The following AMZ2 variants were observed in gnomAD, a reference collection of about 807,000 sequenced individuals.
The protein encoded by AMZ2 is archaelysin family metallopeptidase 2, also known as archaemetzincin-2.
AMZ2 carries 26 observed loss-of-function variants against 36.7 expected under a neutral mutation model. The ratio of observed to expected loss-of-function variants is 0.71; its 90% CI spans 0.52 to 0.98. The LOEUF is 0.98. AMZ2 is among the 50% of genes least tolerant of loss of function. AMZ2 has a pLI of 0.00. For synonymous variants in AMZ2, 144 were observed against 149.1 expected, an observed-to-expected ratio of 0.97 and a Z score of 0.25; for missense variants, 394 against 430.5, an observed-to-expected ratio of 0.92 and a Z score of 0.75.
At chr17:68,223,897 TA>T (rs199603972) in intron 1 of AMZ2, among the ~76,000 whole-genome samples, 5 of 99,382 alleles carry the variant, frequency 5.0e-5, no homozygotes, top group Non-Finnish European at 1.0e-4. Flanking sequence ...TATATATATA[TA>T]TTTTTTTTTG....
At position 68,255,852 on chromosome 17, in the gene AMZ2, C is replaced by T. The variant is rs2074864947; in HGVS notation, c.903C>T (p.Gly301=). ...ICLHKLQCAV[G]FSIVERYKAL... ...TGCACAAGTTGCAGTGTGCTGTTGG[C>T]TTCAGCATTGTAGAAAGATACAAAG... is the stretch of plus-strand genomic sequence containing the variant. The change falls in exon 6 of 7, where the codon GGC becomes GGT. Residue 301 remains glycine (G), a synonymous_variant. Transcript: ENST00000359904. 5 of 1,613,990 alleles carry T rather than the reference C, an allele frequency of 3.1e-6. No individual in the cohort carries two copies. The East Asian group carries it at 8.9e-5, about 29-fold the overall frequency.
chr17:68,210,245 A>G (rs1401560355), intron 1 of AMZ2, among the ~76,000 whole-genome samples: 4 of 152,266 alleles, frequency 2.6e-5, no homozygotes, highest in African/African-American at 9.6e-5. Context: ...ACATATGTAT[A>G]CAGCAGCATT....
Position 68,248,424 on chromosome 17 carries a change from G to A in AMZ2, c.-282G>A, listed in dbSNP as rs2074176615. 1.0e-6 allele frequency: 1 copy of A among 986,138 alleles called. No homozygotes were observed. The highest frequency in any genetic ancestry group is 1.7e-5 in the African/African-American group (1 of 57,246). The allele number at this position is 986,138 out of a possible 1,614,324, so 61.1% of individuals were successfully genotyped here. Reference sequence around the variant, plus strand: ...GAGTTGCTATAGGCAACCAGCCAGGGTGGCCAGCTCCTTCCCGTTTGCCCG... The same window carrying A: ...GAGTTGCTATAGGCAACCAGCCAGGATGGCCAGCTCCTTCCCGTTTGCCCG... On this transcript the variant is annotated 5_prime_UTR_variant, in exon 1 of 7. It adds an upstream start codon to the 5' untranslated region. Coordinates refer to ENST00000359904, the MANE Select transcript of AMZ2 (RefSeq NM_016627.5).
rs782818092 is a variant in AMZ2, at chr17:68,251,100, G to A, written c.508G>A (p.Val170Ile). 2.3e-5 allele frequency: 37 copies of A among 1,613,702 alleles called. No homozygotes were observed. Among genetic ancestry groups the A allele is most frequent in the Non-Finnish European group, 2.9e-5 (34 of 1,179,950 alleles). Residue 170 changes from valine (V) to isoleucine (I), a missense_variant, in exon 4 of 7, where the codon GTT becomes ATT. Physicochemically the swap from Val to Ile is conservative, Grantham distance 29. Transcript: ENST00000359904. ...KKKKPEDAFC[V>I]VGITMIDLYP... ...GAAGAAACCTGAAGATGCCTTCTGT[G>A]TTGTGGGAATAACAATGATTGATCT...
intron 1 of AMZ2, among the ~76,000 whole-genome samples, chr17:68,208,212 G>C (rs1243432950): frequency 7.9e-5 from 12 of 152,218 alleles, no homozygotes; most frequent in Admixed American, 7.9e-4. Context: ...CAGGGCGCGG[G>C]ACTGGCAGGC....
At chr17:68,244,728 G>T (rs1158840907), upstream of AMZ2, among the ~76,000 whole-genome samples, 2 of 152,194 alleles carry the variant, frequency 1.3e-5, no homozygotes, top group Admixed American at 1.3e-4. Flanking sequence ...AGAATGCAGG[G>T]ATTCTTTATA....
At chr17:68,223,941 G>A (rs2073438525) in intron 1 of AMZ2, among the ~76,000 whole-genome samples, 1 of 151,418 alleles carries the variant, frequency 6.6e-6, no homozygotes, top group Non-Finnish European at 1.5e-5. Flanking sequence ...CCAGGCTGGA[G>A]TGCAGTGGCA....
chr17:68,215,565 A>G (rs1389502911), intron 1 of AMZ2, among the ~76,000 whole-genome samples: 2 of 136,566 alleles, frequency 1.5e-5, no homozygotes, highest in Non-Finnish European at 3.3e-5. Flanking sequence ...CTCCAAAAAA[A>G]AAAGTTTACT....
At chr17:68,229,466 A>G (rs1202181016) in intron 1 of AMZ2, among the ~76,000 whole-genome samples, 2 of 152,230 alleles carry the variant, frequency 1.3e-5, no homozygotes, top group African/African-American at 4.8e-5. Flanking sequence ...TCTGGCTGGA[A>G]GGCACAGATG....
upstream of AMZ2, chr17:68,247,832 A>G: frequency 2.0e-6 from 2 of 985,516 alleles, no homozygotes; most frequent in Non-Finnish European, 1.2e-6. Context: ...GGGGGTGGAC[A>G]GCTGGGGCTT....
At chr17:68,255,389 T>G (rs1251222861) in intron 5 of AMZ2, among the ~76,000 whole-genome samples, 1 of 152,216 alleles carries the variant, frequency 6.6e-6, no homozygotes, top group African/African-American at 2.4e-5. Flanking sequence ...GGAGTTCTGT[T>G]GGCCTCTAGT....
At chr17:68,228,627 G>C (rs1219687569) in intron 1 of AMZ2, among the ~76,000 whole-genome samples, 3 of 152,244 alleles carry the variant, frequency 2.0e-5, no homozygotes, top group Non-Finnish European at 4.4e-5. Context: ...CCCCTGTGGA[G>C]ATAGCTTCAG....
chr17:68,253,470 T>C (rs1202051567), intron 4 of AMZ2, among the ~76,000 whole-genome samples: 1 of 152,204 alleles, frequency 6.6e-6, no homozygotes, highest in Non-Finnish European at 1.5e-5. Flanking sequence ...TTGATATAAC[T>C]CTAAATGTAA....
At chr17:68,247,881 T>C, upstream of AMZ2, 1 of 985,188 alleles carries the variant, frequency 1.0e-6, no homozygotes, top group Non-Finnish European at 1.2e-6. Flanking sequence ...AAGAGGCGGG[T>C]CGCGGCCGCT....
At chr17:68,247,573 C>A (rs1451151652), upstream of AMZ2, 2 of 956,388 alleles carry the variant, frequency 2.1e-6, no homozygotes, top group Non-Finnish European at 2.5e-6. Context: ...CGGCCCCCAA[C>A]AAATAAAGAA....
intron 1 of AMZ2, among the ~76,000 whole-genome samples, chr17:68,230,083 G>GT (rs1555730854): frequency 6.6e-6 from 1 of 151,916 alleles, no homozygotes; most frequent in Non-Finnish European, 1.5e-5. Flanking sequence ...GTTTTGTTTT[G>GT]TTTTTTGGGA....
intron 1 of AMZ2, among the ~76,000 whole-genome samples, chr17:68,219,317 A>G (rs1192610295): frequency 6.6e-6 from 1 of 152,120 alleles, no homozygotes; most frequent in African/African-American, 2.4e-5. Flanking sequence ...CACTCTAGCT[A>G]AACTAGATGG....
intron 1 of AMZ2, chr17:68,206,778 G>C (rs2072847652): frequency 6.6e-6 from 1 of 152,248 alleles, no homozygotes; most frequent in Non-Finnish European, 1.5e-5. Context: ...CCTAGCTGTG[G>C]TTTTAAAATT....
At chr17:68,224,820 C>T (rs1555729471) in intron 1 of AMZ2, among the ~76,000 whole-genome samples, 1 of 151,096 alleles carries the variant, frequency 6.6e-6, no homozygotes. Flanking sequence ...TGCCTTCTTT[C>T]CTCTCTATCT....
Sources: gnomAD v4.1 joint callset for allele counts (sites outside exome capture counted in the v4.1 genomes callset) on GRCh38, gnomAD v4.1.1 for gene constraint, MANE v1.5 for transcripts, NCBI Gene and HGNC (gene_info 2026-07-23, HGNC 2026-07-21) for gene names.